HHIPL1: variants seen among roughly 807,000 people sequenced by gnomAD.
HHIPL1 encodes HHIP-like protein 1.
HHIPL1 carries 43 observed loss-of-function variants against 61.8 expected under a neutral mutation model. The observed-to-expected ratio is 0.70, with a 90% CI of 0.55 to 0.90. The LOEUF is 0.90. Ranked by LOEUF, HHIPL1 falls within the 40% of genes least tolerant of loss-of-function variation. The probability of loss-of-function intolerance (pLI) is 0.00; values close to 1 mark genes in which losing one functional copy is unlikely to be tolerated. For synonymous variants in HHIPL1, 482 were observed against 515.8 expected, an observed-to-expected ratio of 0.93 and a Z score of 0.89; for missense variants, 1,056 against 1,157.7, an observed-to-expected ratio of 0.91 and a Z score of 1.28.
At chr14:99,650,529 C>T (rs1051504597) in intron 1 of HHIPL1, among the ~76,000 whole-genome samples, 1 of 152,202 alleles carries the variant, frequency 6.6e-6, no homozygotes, top group Non-Finnish European at 1.5e-5. Context: ...GGTGTGGGGA[C>T]ACTTAACTGG....
At chr14:99,609,377 TC>T in the HHIPL1 span, among the ~76,000 whole-genome samples, 1 of 152,196 alleles carries the variant, frequency 6.6e-6, no homozygotes, top group Non-Finnish European at 1.5e-5. Flanking sequence ...ACCAGGACTA[TC>T]TTCCCATGAG....
intron 4 of HHIPL1, 134 bp downstream of exon 4, chr14:99,659,890 C>A: frequency 1.3e-6 from 1 of 775,744 alleles, no homozygotes; most frequent in Non-Finnish European, 1.9e-6. Context: ...CTGTCCTCGG[C>A]CCCACTCTAT....
chr14:99,660,228 T>G lies in HHIPL1; in HGVS notation c.1376-52T>G, dbSNP rs558734150. On this transcript the variant is annotated intron_variant, in intron 4 of 8. Coordinates refer to ENST00000330710, the MANE Select transcript of HHIPL1 (RefSeq NM_001127258.3). The surrounding 1 kb of genome is among the most constrained non-coding windows in gnomAD (Gnocchi z 4.9). The stretch of plus-strand genomic sequence containing the variant: ...ATCCCTCCGGAATTCTCCTGGCTGA[T>G]GAACCTTCCCGCCGCTGGCTCACCG... The G allele has an allele frequency of 9.9e-6, 16 of 1,609,870 alleles. No individual in the cohort carries two copies. In the Admixed American group the frequency reaches 2.0e-4, roughly 20 times the overall value.
chr14:99,629,404 G>GGCATC, the HHIPL1 span, among the ~76,000 whole-genome samples: 2 of 152,228 alleles, frequency 1.3e-5, no homozygotes, highest in Non-Finnish European at 2.9e-5. Context: ...ATAAGAGACT[G>GGCATC]GCATCACGCA....
chr14:99,652,912 C>T, intron 2 of HHIPL1, 42 bp downstream of exon 2: 1 of 1,573,292 alleles, frequency 6.4e-7, no homozygotes, highest in South Asian at 1.2e-5. Flanking sequence ...GGGGCAGGCA[C>T]CCATATGCAC....
At chr14:99,650,536 C>T (rs2055911452) in intron 1 of HHIPL1, among the ~76,000 whole-genome samples, 1 of 152,216 alleles carries the variant, frequency 6.6e-6, no homozygotes, top group African/African-American at 2.4e-5. Context: ...GGACACTTAA[C>T]TGGCGTTGGG....
At chr14:99,654,188 C>CAAAAAAAAAAAAAAAA (rs754501639) in intron 2 of HHIPL1, among the ~76,000 whole-genome samples, 1 of 89,980 alleles carries the variant, frequency 1.1e-5, no homozygotes, top group Non-Finnish European at 2.0e-5. Flanking sequence ...GACTCTGTCT[C>CAAAAAAAAAAAAAAAA]AAAAAAAAAA....
chr14:99,617,227 C>T, the HHIPL1 span, among the ~76,000 whole-genome samples: 3 of 152,194 alleles, frequency 2.0e-5, no homozygotes, highest in Admixed American at 6.5e-5. Context: ...GTACAAGAAA[C>T]CGTCATTGAC....
the HHIPL1 span, among the ~76,000 whole-genome samples, chr14:99,628,779 G>C: frequency 6.6e-6 from 1 of 152,022 alleles, no homozygotes; most frequent in Non-Finnish European, 1.5e-5. Context: ...CTAGCTTCCT[G>C]TGTGGCCTCA....
chr14:99,625,701 G>A, the HHIPL1 span: 1 of 152,218 alleles, frequency 6.6e-6, no homozygotes, highest in Admixed American at 6.5e-5. Flanking sequence ...GATGGATACA[G>A]TGGAGATTCG....
chr14:99,627,778 T>C, the HHIPL1 span, among the ~76,000 whole-genome samples: 1 of 152,170 alleles, frequency 6.6e-6, no homozygotes, highest in Non-Finnish European at 1.5e-5. This position sits in a 1 kb window ranked among gnomAD's most constrained non-coding sequence, Gnocchi z 4.4. Context: ...AAAGGGGGAC[T>C]GTCCAAGGCA....
chr14:99,640,269 T>A (rs1311065692), upstream of HHIPL1, among the ~76,000 whole-genome samples: 1 of 152,184 alleles, frequency 6.6e-6, no homozygotes, highest in Non-Finnish European at 1.5e-5. Flanking sequence ...TTATGTGGTT[T>A]TTAAAACTTT....
Position 99,679,502 on chromosome 14 carries a change from G to GACAC in HHIPL1, c.*3876_*3877insACAC, listed in dbSNP as rs2056420458. 1 of 152,400 alleles carries GACAC rather than the reference G, an allele frequency of 6.6e-6. No homozygotes were observed. Among genetic ancestry groups the GACAC allele is most frequent in the Admixed American group, 6.5e-5 (1 of 15,286 alleles). 9.4% of individuals were successfully genotyped at this position (152,400 alleles called of 1,614,324 possible). On this transcript the variant is annotated 3_prime_UTR_variant, in exon 9 of 9. Coordinates refer to ENST00000330710, the MANE Select transcript of HHIPL1 (RefSeq NM_001127258.3). ...CAGGGGTGGCCCAGTGTCCAGGACTGTGTTCAAGACATCAGTCAGAGGTCA... is the reference window on the plus strand; with the variant it reads ...CAGGGGTGGCCCAGTGTCCAGGACTGACACTGTTCAAGACATCAGTCAGAGGTCA...
At chr14:99,642,236 G>A (rs1040259506), upstream of HHIPL1, among the ~76,000 whole-genome samples, 1 of 152,138 alleles carries the variant, frequency 6.6e-6, no homozygotes, top group African/African-American at 2.4e-5. Context: ...CACTGTGCCT[G>A]CCCTTTCAGC....
intron 2 of HHIPL1, among the ~76,000 whole-genome samples, chr14:99,655,371 C>T (rs1322989767): frequency 6.6e-6 from 1 of 152,084 alleles, no homozygotes; most frequent in Admixed American, 6.6e-5. Context: ...CCTGTAATCC[C>T]AGCACTTTGG....
chr14:99,655,455 C>G lies in HHIPL1; in HGVS notation c.903-1545C>G, dbSNP rs368980936. On this transcript the variant is annotated intron_variant, in intron 2 of 8. Coordinates refer to ENST00000330710, the MANE Select transcript of HHIPL1 (RefSeq NM_001127258.3). The stretch of plus-strand genomic sequence containing the variant: ...TGGGCCACACACTGAGAGCCCTCAT[C>G]TCTACAAAAAATTAAAAAATTGGCC... Among the ~76,000 whole-genome samples the G allele has an allele frequency of 5.3e-5, 8 of 152,040 alleles. No homozygotes were observed. In the East Asian group the frequency reaches 1.6e-3, roughly 29 times the overall value.
chr14:99,670,938 T>C lies in HHIPL1; in HGVS notation c.1731-1379T>C, dbSNP rs563881383. On this transcript the variant is annotated intron_variant, in intron 7 of 8. Transcript: ENST00000330710. ...TGCCTAATTCATGCCAGATGTTGCC[T>C]TAGAGCCATCATCTTCGGTTTTTCC... Among the ~76,000 whole-genome samples the C allele has an allele frequency of 2.6e-5, 4 of 152,330 alleles. No individual in the cohort carries two copies. In the East Asian group the frequency reaches 7.7e-4, roughly 29 times the overall value.
the HHIPL1 span, among the ~76,000 whole-genome samples, chr14:99,622,582 A>G: frequency 6.6e-6 from 1 of 151,880 alleles, no homozygotes; most frequent in Non-Finnish European, 1.5e-5. Flanking sequence ...GCTCCCCCCA[A>G]CCTGTCTGGC....
At chr14:99,607,668 T>G in the HHIPL1 span, among the ~76,000 whole-genome samples, 2 of 152,138 alleles carry the variant, frequency 1.3e-5, no homozygotes, top group Admixed American at 1.3e-4. Context: ...GGGAATGGAC[T>G]TTCTTACTCT....
Sources: gnomAD v4.1 joint callset for allele counts (sites outside exome capture counted in the v4.1 genomes callset) on GRCh38, gnomAD v4.1.1 for gene constraint, Gnocchi (gnomAD v3.1) non-coding constraint, MANE v1.5 for transcripts, NCBI Gene and HGNC (gene_info 2026-07-23, HGNC 2026-07-21) for gene names.